Variants in GRM8 observed in about 807,000 individuals in gnomAD.
GRM8 encodes the protein glutamate metabotropic receptor 8, also known as metabotropic glutamate receptor 8.
GRM8 carries 47 observed loss-of-function variants against 87.2 expected under a neutral mutation model. That is an observed-to-expected ratio of 0.54 (90% confidence interval 0.43 to 0.69). The LOEUF is 0.69. GRM8 is among the 30% of genes least tolerant of loss of function. GRM8 has a pLI of 0.00. For missense variants in GRM8, 1,019 were observed against 1,139.2 expected, an observed-to-expected ratio of 0.89 and a Z score of 1.52; for synonymous variants, 396 against 404.5, an observed-to-expected ratio of 0.98 and a Z score of 0.25.
At chr7:126,499,519 G>A (rs2150687431) in intron 9 of GRM8, among the ~76,000 whole-genome samples, 1 of 151,844 alleles carries the variant, frequency 6.6e-6, no homozygotes, top group East Asian at 2.0e-4. Context: ...GCACTCCCGT[G>A]TTCATTAAAG....
intron 7 of GRM8, among the ~76,000 whole-genome samples, chr7:126,674,003 T>G (rs182817369): frequency 2.2e-3 from 330 of 152,314 alleles, no homozygotes; most frequent in Non-Finnish European, 4.0e-3. Flanking sequence ...TTCTATTAAC[T>G]GATTCAGTAC....
At chr7:126,989,250 C>T (rs549593797) in intron 3 of GRM8, among the ~76,000 whole-genome samples, 4 of 152,100 alleles carry the variant, frequency 2.6e-5, no homozygotes, top group South Asian at 2.1e-4. Flanking sequence ...TATTATTTTC[C>T]GTTAAATTTC....
At chr7:126,737,626 T>C (rs1814387164) in intron 7 of GRM8, among the ~76,000 whole-genome samples, 1 of 152,002 alleles carries the variant, frequency 6.6e-6, no homozygotes, top group Non-Finnish European at 1.5e-5. Context: ...AATTCACTAG[T>C]ATGTAATTTT....
chr7:126,681,182 TTC>T (rs1393185638), intron 7 of GRM8, among the ~76,000 whole-genome samples: 3 of 152,202 alleles, frequency 2.0e-5, no homozygotes, highest in African/African-American at 7.2e-5. Context: ...CCTTTCTGCA[TTC>T]TCTTTCTTGC....
intron 7 of GRM8, among the ~76,000 whole-genome samples, chr7:126,722,416 A>G (rs1346543164): frequency 1.3e-5 from 2 of 152,154 alleles, no homozygotes; most frequent in African/African-American, 4.8e-5. Flanking sequence ...CACAGCTCTC[A>G]TCATCATCCA....
intron 8 of GRM8, among the ~76,000 whole-genome samples, chr7:126,602,995 T>C: frequency 1.4e-5 from 2 of 144,498 alleles, no homozygotes; most frequent in Non-Finnish European, 1.5e-5. Flanking sequence ...AATAAAATAC[T>C]GGCAAACCGA....
At chr7:126,626,442 C>CT (rs1800697184) in intron 7 of GRM8, among the ~76,000 whole-genome samples, 1 of 152,154 alleles carries the variant, frequency 6.6e-6, no homozygotes, top group Non-Finnish European at 1.5e-5. Flanking sequence ...TACAATTTCA[C>CT]TTTTTTTCTA....
chr7:127,015,347 C>T (rs1815557336), intron 3 of GRM8, among the ~76,000 whole-genome samples: 1 of 151,934 alleles, frequency 6.6e-6, no homozygotes, highest in South Asian at 2.1e-4. Context: ...TATGTGTCCT[C>T]CTATTACATC....
chr7:127,202,192 G>A (rs74925024), intron 2 of GRM8, among the ~76,000 whole-genome samples: 12 of 149,656 alleles, frequency 8.0e-5, no homozygotes, highest in Non-Finnish European at 1.0e-4. Context: ...TGTCAAAAAA[G>A]AAAAAAAAAA....
chr7:127,242,680 A>T lies in GRM8; in HGVS notation c.510+15T>A, dbSNP rs1368733420. 6.2e-7 allele frequency: 1 copy of T among 1,606,240 alleles called. No homozygotes were observed. The highest frequency in any genetic ancestry group is 1.7e-5 in the Admixed American group (1 of 59,138). On this transcript the variant is annotated intron_variant, in intron 2 of 10. Transcript: ENST00000339582. ...GTTCTTTCACAATGGTCAGAAAGAC[A>T]ATGCCTTTACCTACCTTAAAAAGTC...
At chr7:126,573,245 AT>A (rs1470333661) in intron 8 of GRM8, among the ~76,000 whole-genome samples, 1 of 152,180 alleles carries the variant, frequency 6.6e-6, no homozygotes, top group African/African-American at 2.4e-5. Context: ...GAAAAAGAAA[AT>A]TTTATTATTC....
At chr7:126,587,406 A>C (rs1253349190) in intron 8 of GRM8, among the ~76,000 whole-genome samples, 2 of 152,218 alleles carry the variant, frequency 1.3e-5, no homozygotes, top group African/African-American at 4.8e-5. Context: ...TATTCACAAT[A>C]GCAAAGACTT....
intron 8 of GRM8, among the ~76,000 whole-genome samples, chr7:126,592,809 C>T (rs1049911061): frequency 6.6e-6 from 1 of 151,688 alleles, no homozygotes; most frequent in Non-Finnish European, 1.5e-5. Context: ...ATAGTCAAAG[C>T]AATAGGCAAG....
At chr7:126,461,719 A>C (rs1803917937) in intron 9 of GRM8, among the ~76,000 whole-genome samples, 1 of 151,628 alleles carries the variant, frequency 6.6e-6, no homozygotes, top group Non-Finnish European at 1.5e-5. Context: ...TCTCAATCCC[A>C]AATGATGCTG....
intron 3 of GRM8, among the ~76,000 whole-genome samples, chr7:126,914,004 G>A (rs1159008233): frequency 4.6e-5 from 7 of 152,066 alleles, no homozygotes; most frequent in Non-Finnish European, 8.8e-5. Context: ...ATGCCATGTG[G>A]AATCTTAAAG....
chr7:127,048,949 C>A (rs370872267), intron 3 of GRM8, among the ~76,000 whole-genome samples: 145 of 152,226 alleles, frequency 9.5e-4, no homozygotes, highest in African/African-American at 3.4e-3. Context: ...TAAGTTTTCA[C>A]GTATTAGATT....
At chr7:126,753,451 C>T (rs1816663271) in intron 7 of GRM8, among the ~76,000 whole-genome samples, 1 of 151,530 alleles carries the variant, frequency 6.6e-6, no homozygotes, top group South Asian at 2.1e-4. Context: ...TATATACACA[C>T]ATATATGTAC....
chr7:126,935,016 AAGAATGCAGAAAAATGTCTGTCATGTAAT>A (rs1203462994), intron 3 of GRM8, among the ~76,000 whole-genome samples: 1 of 152,210 alleles, frequency 6.6e-6, no homozygotes, highest in Non-Finnish European at 1.5e-5. Flanking sequence ...TGTACATGTA[AAGAATGCAGAAAAATGTCTGTCATGTAAT>A]ATGTGCTCAA....
intron 6 of GRM8, among the ~76,000 whole-genome samples, chr7:126,893,969 C>A (rs947041096): frequency 6.6e-6 from 1 of 151,986 alleles, no homozygotes; most frequent in African/African-American, 2.4e-5. Flanking sequence ...TTCAGCAAAT[C>A]ATATCTATGA....
Sources: gnomAD v4.1 joint callset for allele counts (sites outside exome capture counted in the v4.1 genomes callset) on GRCh38, gnomAD v4.1.1 for gene constraint, MANE v1.5 for transcripts, NCBI Gene and HGNC (gene_info 2026-07-23, HGNC 2026-07-21) for gene names.